The following LAMB4 variants were observed in gnomAD, a reference collection of about 807,000 sequenced individuals.
The protein encoded by LAMB4 is laminin subunit beta 4.
Under a neutral mutation model 199.2 loss-of-function variants are expected in LAMB4, and 196 were observed. That is an observed-to-expected ratio of 0.98 (90% CI 0.88 to 1.11). The LOEUF is 1.11. Ranked by LOEUF, LAMB4 falls within the 50% of genes least tolerant of loss-of-function variation. The pLI is 0.00. For missense variants in LAMB4, 2,080 were observed against 2,171.2 expected (o/e 0.96, Z 0.83); for synonymous variants, 744 against 770.6 (o/e 0.97, Z 0.57).
intron 1 of LAMB4, among the ~76,000 whole-genome samples, chr7:108,125,301 C>T (rs149461747): frequency 1.4e-3 from 219 of 152,292 alleles, no homozygotes; most frequent in Non-Finnish European, 2.1e-3. Flanking sequence ...TCTGTTCAGC[C>T]GCCCAGATAT....
chr7:108,100,152 T>A (rs1467587771), intron 10 of LAMB4, among the ~76,000 whole-genome samples: 1 of 152,192 alleles, frequency 6.6e-6, no homozygotes, highest in Non-Finnish European at 1.5e-5. Context: ...GGATAGTAAA[T>A]GTTCTTTGAA....
chr7:108,084,784 CTTTTTTT>C (rs745640979), intron 14 of LAMB4, among the ~76,000 whole-genome samples: 1 of 96,526 alleles, frequency 1.0e-5, no homozygotes. Flanking sequence ...CCAAGGAATC[CTTTTTTT>C]TTTTTTTTTT....
chr7:108,099,707 T>C (rs1014667006), intron 10 of LAMB4, among the ~76,000 whole-genome samples: 1 of 152,228 alleles, frequency 6.6e-6, no homozygotes, highest in Non-Finnish European at 1.5e-5. Flanking sequence ...CATTTATACA[T>C]GCTTGCTTTG....
intron 26 of LAMB4, among the ~76,000 whole-genome samples, chr7:108,051,350 A>C (rs534817811): frequency 6.6e-6 from 1 of 152,276 alleles, no homozygotes; most frequent in Admixed American, 6.5e-5. Flanking sequence ...GTATATACAT[A>C]GGACAATGAA....
intron 11 of LAMB4, among the ~76,000 whole-genome samples, chr7:108,096,938 TC>T (rs1352434021): frequency 8.6e-5 from 3 of 34,862 alleles, no homozygotes; most frequent in Admixed American, 8.9e-4. Context: ...TCTGTCTCTC[TC>T]AAAAAAAAAA....
chr7:108,112,701 A>G (rs2038274765), intron 3 of LAMB4, among the ~76,000 whole-genome samples: 1 of 152,230 alleles, frequency 6.6e-6, no homozygotes, highest in African/African-American at 2.4e-5. Flanking sequence ...GGGGCTCTGT[A>G]AGGATTTCCA....
intron 29 of LAMB4, 64 bp downstream of exon 29, chr7:108,043,688 G>T: frequency 2.0e-6 from 2 of 1,003,464 alleles, no homozygotes; most frequent in Non-Finnish European, 2.8e-6. Context: ...CACGTATGAT[G>T]TTTGACTATA....
intron 14 of LAMB4, among the ~76,000 whole-genome samples, chr7:108,090,635 G>A (rs548469252): frequency 3.3e-5 from 5 of 151,990 alleles, no homozygotes; most frequent in African/African-American, 1.2e-4. Flanking sequence ...GCCGTGCTGG[G>A]GGTGCTACAA....
intron 33 of LAMB4, among the ~76,000 whole-genome samples, chr7:108,024,837 G>A (rs780322148): frequency 6.6e-5 from 10 of 152,140 alleles, no homozygotes; most frequent in Non-Finnish European, 1.2e-4. Flanking sequence ...ACCTTAACAA[G>A]GAGACTATAT....
At chr7:108,108,207 G>C (rs780543688) in intron 5 of LAMB4, among the ~76,000 whole-genome samples, 1 of 152,154 alleles carries the variant, frequency 6.6e-6, no homozygotes, top group Non-Finnish European at 1.5e-5. Context: ...GGGATTATAG[G>C]TGTGAGTCAC....
the LAMB4 span, among the ~76,000 whole-genome samples, chr7:108,016,536 G>A: frequency 2.0e-5 from 3 of 152,084 alleles, no homozygotes; most frequent in Admixed American, 6.5e-5. Flanking sequence ...CGCCTGCTGC[G>A]GCCTCCCAAA....
intron 25 of LAMB4, among the ~76,000 whole-genome samples, chr7:108,054,245 C>A (rs2035911796): frequency 6.6e-6 from 1 of 152,076 alleles, no homozygotes; most frequent in South Asian, 2.1e-4. Context: ...GCCCAGAAGT[C>A]TTTAGAGAAG....
At chr7:108,072,932 C>T (rs1026663344) in intron 17 of LAMB4, among the ~76,000 whole-genome samples, 2 of 152,204 alleles carry the variant, frequency 1.3e-5, no homozygotes, top group Admixed American at 1.3e-4. Flanking sequence ...ATTTACAGCT[C>T]TTGGTCTGAG....
At chr7:108,126,527 T>C (rs1404892084) in intron 1 of LAMB4, among the ~76,000 whole-genome samples, 1 of 150,734 alleles carries the variant, frequency 6.6e-6, no homozygotes. Context: ...GGTTCATCCA[T>C]GTTGTAGGAT....
intron 23 of LAMB4, among the ~76,000 whole-genome samples, chr7:108,061,680 A>G (rs2036164088): frequency 1.3e-5 from 2 of 150,390 alleles, no homozygotes; most frequent in African/African-American, 4.9e-5. Context: ...CAGAGGTTGC[A>G]GTGAGCCAAG....
At position 108,105,877 on chromosome 7, in the gene LAMB4, A is replaced by G. The variant is rs747510799; in HGVS notation, c.810T>C (p.His270=). Residue 270 remains histidine (H), a synonymous_variant, in exon 8 of 34, where the codon CAT becomes CAC. Transcript: ENST00000388781. ...IVRGSCFCNG[H]ASECRPMQKM... is the part of the protein sequence containing the mutation. ...TCTGCATAGGGCGACATTCGCTAGC[A>G]TGGCCATTGCAAAAGCAGCTTCCCC... 1 of 1,614,148 alleles carries G rather than the reference A, an allele frequency of 6.2e-7. No homozygotes were observed. The highest frequency in any genetic ancestry group is 1.3e-5 in the African/African-American group (1 of 74,956).
At chr7:108,029,309 A>G (rs1417888660) in intron 32 of LAMB4, 113 bp from the exon 33 acceptor site, 1 of 785,206 alleles carries the variant, frequency 1.3e-6, no homozygotes, top group Non-Finnish European at 1.9e-6. Flanking sequence ...ACCTTAATCC[A>G]GTCAATACAC....
intron 33 of LAMB4, chr7:108,026,825 C>A (rs1732158): frequency 0.015 from 7,710 of 503,880 alleles, 491 homozygotes; most frequent in African/African-American, 0.13. Flanking sequence ...CAGGCACAGC[C>A]TTGTGGTTCC....
intron 17 of LAMB4, among the ~76,000 whole-genome samples, chr7:108,074,395 G>A (rs867507895): frequency 1.1e-4 from 16 of 152,032 alleles, no homozygotes; most frequent in Admixed American, 1.3e-4. Context: ...TTGAGACAGC[G>A]TCTTGCTCTG....
Sources: allele counts gnomAD v4.1 joint callset (sites outside exome capture counted in the v4.1 genomes callset), GRCh38; gene constraint gnomAD v4.1.1; transcripts MANE v1.5; gene names NCBI Gene and HGNC (gene_info 2026-07-23, HGNC 2026-07-21).